The following SLC24A2 variants were observed in gnomAD, a reference collection of about 807,000 sequenced individuals.
The protein encoded by SLC24A2 is solute carrier family 24 member 2, also known as sodium/potassium/calcium exchanger 2.
SLC24A2 carries 36 observed loss-of-function variants against 62.0 expected under a neutral mutation model. The ratio of observed to expected loss-of-function variants is 0.58; its 90% CI spans 0.44 to 0.77. The LOEUF (loss-of-function observed/expected upper bound fraction) is 0.77, where lower values mean the gene tolerates loss of function less well. SLC24A2 is among the 30% of genes least tolerant of loss of function. The pLI, the probability that SLC24A2 is intolerant of heterozygous loss-of-function variation, is 0.00. For synonymous variants in SLC24A2, 358 were observed against 294.0 expected (o/e 1.22, Z -2.23); for missense variants, 846 against 817.9 (o/e 1.03, Z -0.42).
chr9:19,615,715 G>A (rs932032020), intron 4 of SLC24A2, among the ~76,000 whole-genome samples: 6 of 152,156 alleles, frequency 3.9e-5, no homozygotes, highest in Admixed American at 2.0e-4. Context: ...TTGAAAGCAG[G>A]TGCCTGGATT....
chr9:19,548,084 T>C (rs1432079139), intron 8 of SLC24A2, among the ~76,000 whole-genome samples: 2 of 151,348 alleles, frequency 1.3e-5, no homozygotes, highest in African/African-American at 4.9e-5. Flanking sequence ...ATACAAGGAG[T>C]CCTTTCTTGT....
the SLC24A2 span, among the ~76,000 whole-genome samples, chr9:20,041,443 AC>A: frequency 1.3e-5 from 2 of 152,226 alleles, no homozygotes; most frequent in African/African-American, 2.4e-5. Flanking sequence ...CTTACCAAAT[AC>A]AAAAAGCATG....
chr9:19,560,912 TATATAGAGAGAGAGAG>T (rs1167362339), intron 7 of SLC24A2, among the ~76,000 whole-genome samples: 3 of 50,110 alleles, frequency 6.0e-5, no homozygotes, highest in African/African-American at 7.5e-5. Flanking sequence ...TATATATATA[TATATAGAGAGAGAGAG>T]AGAGAGAGAG....
the SLC24A2 span, among the ~76,000 whole-genome samples, chr9:20,023,982 T>TA: frequency 3.3e-5 from 5 of 152,324 alleles, 1 homozygote; most frequent in Admixed American, 6.5e-5. Context: ...GAAAAGAAGA[T>TA]AGAGCTGGTT....
the SLC24A2 span, among the ~76,000 whole-genome samples, chr9:19,993,926 T>A: frequency 7.9e-5 from 12 of 152,244 alleles, no homozygotes; most frequent in Non-Finnish European, 1.5e-5. Context: ...CACCCAGTTA[T>A]TGAGACCCCA....
At chr9:20,219,313 C>A in the SLC24A2 span, among the ~76,000 whole-genome samples, 1 of 152,144 alleles carries the variant, frequency 6.6e-6, no homozygotes, top group African/African-American at 2.4e-5. Context: ...GTGGGAAGTG[C>A]ACTGGAAGTC....
chr9:20,256,174 C>A, the SLC24A2 span, among the ~76,000 whole-genome samples: 5 of 152,242 alleles, frequency 3.3e-5, no homozygotes, highest in African/African-American at 1.2e-4. Flanking sequence ...CCTCCCAACA[C>A]TGTTGCCTTG....
the SLC24A2 span, among the ~76,000 whole-genome samples, chr9:20,248,785 CTG>C: frequency 6.6e-6 from 1 of 152,206 alleles, no homozygotes; most frequent in Non-Finnish European, 1.5e-5. Context: ...ACTGCAAATC[CTG>C]ACAATGTACA....
At chr9:19,826,820 C>G in the SLC24A2 span, among the ~76,000 whole-genome samples, 3 of 152,148 alleles carry the variant, frequency 2.0e-5, no homozygotes, top group Admixed American at 6.5e-5. Flanking sequence ...AACACTCAAA[C>G]CATAGCAAGG....
chr9:20,007,760 A>T, the SLC24A2 span, among the ~76,000 whole-genome samples: 1 of 152,022 alleles, frequency 6.6e-6, no homozygotes, highest in East Asian at 1.9e-4. Flanking sequence ...TTTAAAGTCT[A>T]ATCCCAAAAC....
chr9:19,996,939 G>A, the SLC24A2 span, among the ~76,000 whole-genome samples: 1 of 151,882 alleles, frequency 6.6e-6, no homozygotes, highest in Non-Finnish European at 1.5e-5. Flanking sequence ...AAAGCGCTCA[G>A]TGGTAAAAGC....
the SLC24A2 span, among the ~76,000 whole-genome samples, chr9:20,227,330 G>C: frequency 3.3e-5 from 5 of 152,030 alleles, no homozygotes; most frequent in Non-Finnish European, 7.4e-5. Context: ...CTTTTCTTCA[G>C]AGCCATGATC....
At chr9:20,140,637 C>T in the SLC24A2 span, among the ~76,000 whole-genome samples, 16 of 152,120 alleles carry the variant, frequency 1.1e-4, no homozygotes, top group African/African-American at 3.4e-4. Flanking sequence ...CTGTTCTGCA[C>T]CCCCTGAATT....
At chr9:20,266,257 C>T in the SLC24A2 span, among the ~76,000 whole-genome samples, 16 of 152,274 alleles carry the variant, frequency 1.1e-4, no homozygotes, top group East Asian at 5.8e-4. Flanking sequence ...TGGGGCATCA[C>T]GGAACCTACT....
At chr9:19,818,163 C>T in the SLC24A2 span, among the ~76,000 whole-genome samples, 1 of 152,184 alleles carries the variant, frequency 6.6e-6, no homozygotes, top group East Asian at 1.9e-4. Flanking sequence ...ATTTTAGAGT[C>T]TCCGGCCTTG....
the SLC24A2 span, among the ~76,000 whole-genome samples, chr9:20,020,345 G>C: frequency 2.0e-5 from 3 of 152,030 alleles, no homozygotes; most frequent in Non-Finnish European, 4.4e-5. Flanking sequence ...TGATAGACTG[G>C]ATAAAGAAAA....
chr9:19,627,379 G>A (rs1281029143), intron 2 of SLC24A2, among the ~76,000 whole-genome samples: 2 of 152,184 alleles, frequency 1.3e-5, no homozygotes, highest in South Asian at 2.1e-4. Flanking sequence ...GGAAGGAGTA[G>A]AAGAGAAATT....
At chr9:19,582,484 CCAAA>C (rs994743820) in intron 5 of SLC24A2, among the ~76,000 whole-genome samples, 1 of 152,044 alleles carries the variant, frequency 6.6e-6, no homozygotes, top group Non-Finnish European at 1.5e-5. Context: ...AAGAGAGTGG[CCAAA>C]CACAGCTCGG....
the SLC24A2 span, among the ~76,000 whole-genome samples, chr9:20,304,731 G>C: frequency 1.3e-5 from 2 of 152,320 alleles, no homozygotes; most frequent in East Asian, 1.9e-4. Flanking sequence ...AAATGAGATA[G>C]CCCTGGACTA....
Sources: allele counts gnomAD v4.1 joint callset (sites outside exome capture counted in the v4.1 genomes callset), GRCh38; gene constraint gnomAD v4.1.1; transcripts MANE v1.5; gene names NCBI Gene and HGNC (gene_info 2026-07-23, HGNC 2026-07-21).